Variants in ANTXR2 observed in about 807,000 individuals in gnomAD.
The protein encoded by ANTXR2 is anthrax toxin receptor 2.
A neutral mutation model predicts 73.7 loss-of-function variants in ANTXR2; 44 were observed. The observed-to-expected ratio is 0.60, with a 90% CI of 0.47 to 0.77. The LOEUF (loss-of-function observed/expected upper bound fraction) is 0.77, where lower values mean the gene tolerates loss of function less well. ANTXR2 is among the 30% of genes least tolerant of loss of function. The pLI, the probability that ANTXR2 is intolerant of heterozygous loss-of-function variation, is 0.00. For synonymous variants in ANTXR2, 217 were observed against 205.9 expected (o/e 1.05, Z -0.46); for missense variants, 604 against 592.5 (o/e 1.02, Z -0.20).
intron 10 of ANTXR2, among the ~76,000 whole-genome samples, chr4:80,025,629 G>A (rs188812350): frequency 6.6e-5 from 10 of 152,092 alleles, no homozygotes; most frequent in African/African-American, 9.7e-5. Context: ...TTAATGTTCT[G>A]CAGTGCTTTT....
At chr4:79,949,322 T>G (rs1728621996) in intron 16 of ANTXR2, among the ~76,000 whole-genome samples, 1 of 152,128 alleles carries the variant, frequency 6.6e-6, no homozygotes, top group African/African-American at 2.4e-5. Context: ...ATGCAAGACA[T>G]TGAACACTAA....
intron 16 of ANTXR2, among the ~76,000 whole-genome samples, chr4:79,963,747 T>C (rs1313797126): frequency 6.6e-6 from 1 of 152,210 alleles, no homozygotes; most frequent in East Asian, 1.9e-4. Context: ...CAGGATAATA[T>C]TGTAACCAAT....
intron 16 of ANTXR2, among the ~76,000 whole-genome samples, chr4:79,936,852 T>C (rs1728284309): frequency 6.6e-6 from 1 of 152,086 alleles, no homozygotes; most frequent in Non-Finnish European, 1.5e-5. Flanking sequence ...ACACTAGTAG[T>C]ACCACACTAA....
intron 7 of ANTXR2, among the ~76,000 whole-genome samples, chr4:80,047,104 C>G (rs1733552536): frequency 6.6e-6 from 1 of 151,660 alleles, no homozygotes; most frequent in Non-Finnish European, 1.5e-5. Flanking sequence ...AACCAAATGT[C>G]ATCAGTTTAG....
chr4:79,993,667 TC>T (rs1416934643), intron 12 of ANTXR2, among the ~76,000 whole-genome samples: 1 of 151,582 alleles, frequency 6.6e-6, no homozygotes, highest in Non-Finnish European at 1.5e-5. Context: ...TGAAAGTTTT[TC>T]CCCCAAATGA....
intron 16 of ANTXR2, among the ~76,000 whole-genome samples, chr4:79,910,233 G>T (rs974650165): frequency 6.6e-6 from 1 of 152,130 alleles, no homozygotes; most frequent in African/African-American, 2.4e-5. Flanking sequence ...ATTGTTGGCC[G>T]GGTGTGGTGG....
At position 80,048,376 on chromosome 4, in the gene ANTXR2, T is replaced by C. The variant is rs996716252; in HGVS notation, c.636+5896A>G. ...ATACCTCATCTACATTCAGCGCTAATGATCCTTGGACAAAGAGAAGCCTAG... is the reference window on the plus strand; with the variant it reads ...ATACCTCATCTACATTCAGCGCTAACGATCCTTGGACAAAGAGAAGCCTAG... On this transcript the variant is annotated intron_variant, in intron 7 of 16. Transcript: ENST00000403729. Among the ~76,000 whole-genome samples the C allele has an allele frequency of 5.3e-5, 8 of 151,724 alleles. No homozygotes were observed. The East Asian group carries it at 5.8e-4, about 11-fold the overall frequency.
intron 16 of ANTXR2, among the ~76,000 whole-genome samples, chr4:79,915,850 C>CTATATATATATA (rs1169457455): frequency 8.3e-6 from 1 of 120,524 alleles, no homozygotes; most frequent in African/African-American, 2.8e-5. Flanking sequence ...CTCTCTCTCT[C>CTATATATATATA]TCTCTCTCTC....
At chr4:79,908,250 C>T (rs757847617) in intron 16 of ANTXR2, among the ~76,000 whole-genome samples, 30 of 152,174 alleles carry the variant, frequency 2.0e-4, no homozygotes, top group Non-Finnish European at 4.3e-4. Flanking sequence ...CCTCAACCAG[C>T]CAAAAGCTAG....
intron 16 of ANTXR2, among the ~76,000 whole-genome samples, chr4:79,933,140 A>T (rs1728125321): frequency 6.6e-6 from 1 of 152,234 alleles, no homozygotes; most frequent in Non-Finnish European, 1.5e-5. Context: ...AGTGGACTAT[A>T]GTAAATCTGC....
intron 7 of ANTXR2, among the ~76,000 whole-genome samples, chr4:80,047,993 A>T (rs1733600036): frequency 6.6e-6 from 1 of 151,670 alleles, no homozygotes; most frequent in South Asian, 2.1e-4. Context: ...ATTTATATGA[A>T]ATCAGGGGTT....
intron 16 of ANTXR2, among the ~76,000 whole-genome samples, chr4:79,921,377 A>C (rs562247906): frequency 4.9e-4 from 74 of 152,014 alleles, no homozygotes; most frequent in African/African-American, 1.7e-3. Flanking sequence ...CACTTTTAGG[A>C]CTCTAAAGCA....
At chr4:79,973,780 G>A (rs1009775382) in intron 16 of ANTXR2, among the ~76,000 whole-genome samples, 1 of 152,046 alleles carries the variant, frequency 6.6e-6, no homozygotes, top group Non-Finnish European at 1.5e-5. Flanking sequence ...TGGAAAGCTG[G>A]GAAATAAAAA....
chr4:79,993,522 A>C (rs1400084996), intron 12 of ANTXR2, among the ~76,000 whole-genome samples: 1 of 151,926 alleles, frequency 6.6e-6, no homozygotes, highest in Non-Finnish European at 1.5e-5. Context: ...CCTCCAACGC[A>C]TACACAATCA....
At chr4:80,050,965 C>G (rs572873775) in intron 7 of ANTXR2, among the ~76,000 whole-genome samples, 2 of 151,614 alleles carry the variant, frequency 1.3e-5, no homozygotes, top group African/African-American at 2.4e-5. Flanking sequence ...CCACGCTACC[C>G]GTCAATGTTT....
intron 16 of ANTXR2, among the ~76,000 whole-genome samples, chr4:79,922,276 G>A (rs965398595): frequency 1.3e-4 from 20 of 152,000 alleles, no homozygotes; most frequent in African/African-American, 4.6e-4. Flanking sequence ...ATGCCACTGT[G>A]ACCCAGATGT....
intron 16 of ANTXR2, among the ~76,000 whole-genome samples, chr4:79,919,902 T>A (rs1337422773): frequency 5.8e-5 from 1 of 17,170 alleles, no homozygotes; most frequent in South Asian, 1.4e-3. Flanking sequence ...TATATATATA[T>A]ATATATATAT....
intron 10 of ANTXR2, 73 bp from the exon 11 acceptor site, chr4:80,019,049 G>A: frequency 1.9e-6 from 2 of 1,063,028 alleles, no homozygotes; most frequent in Non-Finnish European, 2.6e-6. Context: ...ATTTCCTTAT[G>A]TAATTCAAAA....
intron 10 of ANTXR2, among the ~76,000 whole-genome samples, chr4:80,023,379 C>T (rs1732268242): frequency 6.6e-6 from 1 of 152,136 alleles, no homozygotes; most frequent in Non-Finnish European, 1.5e-5. Flanking sequence ...TAAAATCACT[C>T]AATCAGTCAC....
Sources: gnomAD v4.1 joint callset for allele counts (sites outside exome capture counted in the v4.1 genomes callset) on GRCh38, gnomAD v4.1.1 for gene constraint, MANE v1.5 for transcripts, NCBI Gene and HGNC (gene_info 2026-07-23, HGNC 2026-07-21) for gene names.